Variants in ST6GALNAC3 observed in about 807,000 individuals in gnomAD.
ST6GALNAC3 encodes ST6 N-acetylgalactosaminide alpha-2,6-sialyltransferase 3, also known as alpha-N-acetylgalactosaminide alpha-2,6-sialyltransferase 3.
ST6GALNAC3 carries 25 observed loss-of-function variants against 32.7 expected under a neutral mutation model. That is an observed-to-expected ratio of 0.76 (90% CI 0.56 to 1.07). The LOEUF is 1.07. Ranked by LOEUF, ST6GALNAC3 falls within the 50% of genes least tolerant of loss-of-function variation. The pLI is 0.00. For synonymous variants in ST6GALNAC3, 129 were observed against 133.1 expected, an observed-to-expected ratio of 0.97 and a Z score of 0.21; for missense variants, 355 against 382.4, an observed-to-expected ratio of 0.93 and a Z score of 0.60.
chr1:76,561,564 A>G (rs1224065625), intron 3 of ST6GALNAC3, among the ~76,000 whole-genome samples: 2 of 152,196 alleles, frequency 1.3e-5, no homozygotes, highest in Non-Finnish European at 2.9e-5. Context: ...AAATCAAACC[A>G]CAATGAGATA....
chr1:76,628,846 C>A lies in ST6GALNAC3; in HGVS notation c.*40C>A. The A allele has an allele frequency of 6.3e-7, 1 of 1,598,472 alleles. No homozygotes were observed. The highest frequency in any genetic ancestry group is 1.1e-5 in the South Asian group (1 of 88,758). Reference sequence around the variant, plus strand: ...ATCTTGCCGCATCACTTAATGTGATCCCCATACTGCAACTGTGATGCTGAT... The same window carrying A: ...ATCTTGCCGCATCACTTAATGTGATACCCATACTGCAACTGTGATGCTGAT... On this transcript the variant is annotated 3_prime_UTR_variant, in exon 5 of 5. Transcript: ENST00000328299.
At chr1:76,193,351 G>A (rs1453167461) in intron 1 of ST6GALNAC3, among the ~76,000 whole-genome samples, 1 of 152,026 alleles carries the variant, frequency 6.6e-6, no homozygotes, top group African/African-American at 2.4e-5. Flanking sequence ...ATGTTGTTTT[G>A]AAGTGTGTAC....
At chr1:76,484,174 C>T (rs969837220) in intron 3 of ST6GALNAC3, among the ~76,000 whole-genome samples, 16 of 152,118 alleles carry the variant, frequency 1.1e-4, no homozygotes, top group African/African-American at 3.6e-4. Context: ...CAGCTTTGTT[C>T]TTTTGGCTTA....
chr1:76,196,948 T>G (rs1324420993), intron 1 of ST6GALNAC3, among the ~76,000 whole-genome samples: 1 of 152,198 alleles, frequency 6.6e-6, no homozygotes, highest in Non-Finnish European at 1.5e-5. Flanking sequence ...CCCCGTGTTT[T>G]TATTTTTATC....
At chr1:76,620,281 G>T (rs550504266) in intron 3 of ST6GALNAC3, among the ~76,000 whole-genome samples, 1 of 151,948 alleles carries the variant, frequency 6.6e-6, no homozygotes, top group Admixed American at 6.6e-5. Flanking sequence ...GCTGAGATGC[G>T]CAAGTTTAAG....
At chr1:76,160,941 T>C (rs1398160992) in intron 1 of ST6GALNAC3, among the ~76,000 whole-genome samples, 1 of 152,226 alleles carries the variant, frequency 6.6e-6, no homozygotes, top group Non-Finnish European at 1.5e-5. Flanking sequence ...TATTTTAAAG[T>C]TTCAACATTT....
At chr1:76,299,070 A>G (rs1456500711) in intron 1 of ST6GALNAC3, among the ~76,000 whole-genome samples, 1 of 152,092 alleles carries the variant, frequency 6.6e-6, no homozygotes, top group Non-Finnish European at 1.5e-5. Flanking sequence ...AAATGTCAAA[A>G]TATGCTAAGA....
intron 3 of ST6GALNAC3, among the ~76,000 whole-genome samples, chr1:76,602,826 A>T (rs780049175): frequency 2.6e-5 from 4 of 152,246 alleles, no homozygotes; most frequent in Non-Finnish European, 5.9e-5. Context: ...CAGTAGGAGG[A>T]AATAATTATA....
At chr1:76,204,312 A>G (rs1165415177) in intron 1 of ST6GALNAC3, among the ~76,000 whole-genome samples, 2 of 152,220 alleles carry the variant, frequency 1.3e-5, no homozygotes, top group South Asian at 4.1e-4. Context: ...GGTTGATTCC[A>G]TATTTTGGCT....
At chr1:76,350,819 A>ACTAGGTTC (rs944352353) in intron 2 of ST6GALNAC3, among the ~76,000 whole-genome samples, 16 of 152,106 alleles carry the variant, frequency 1.1e-4, no homozygotes, top group Non-Finnish European at 1.8e-4. Flanking sequence ...TGAAACAAAT[A>ACTAGGTTC]CTAGGTTCCT....
chr1:76,174,663 C>CTTTTTTTTTT (rs59269306), intron 1 of ST6GALNAC3, among the ~76,000 whole-genome samples: 4 of 140,110 alleles, frequency 2.9e-5, no homozygotes, highest in African/African-American at 5.3e-5. Context: ...TTTTTCTTTT[C>CTTTTTTTTTT]TTTTTTTTTT....
At chr1:76,442,161 T>A (rs1656659582) in intron 3 of ST6GALNAC3, among the ~76,000 whole-genome samples, 2 of 152,162 alleles carry the variant, frequency 1.3e-5, no homozygotes, top group South Asian at 4.1e-4. Flanking sequence ...ATAAAATGAG[T>A]TTATGTCCAT....
intron 3 of ST6GALNAC3, among the ~76,000 whole-genome samples, chr1:76,604,355 A>G (rs1647389078): frequency 6.6e-6 from 1 of 152,214 alleles, no homozygotes; most frequent in Non-Finnish European, 1.5e-5. Flanking sequence ...TGGCTGCTAG[A>G]TTATTTTTTC....
At chr1:76,521,319 A>T (rs1460732275) in intron 3 of ST6GALNAC3, among the ~76,000 whole-genome samples, 2 of 151,972 alleles carry the variant, frequency 1.3e-5, no homozygotes, top group Non-Finnish European at 2.9e-5. Context: ...ACGCGCGTAC[A>T]TACATGCATA....
chr1:76,164,932 T>A (rs2100393084), intron 1 of ST6GALNAC3, among the ~76,000 whole-genome samples: 1 of 152,222 alleles, frequency 6.6e-6, no homozygotes, highest in African/African-American at 2.4e-5. Flanking sequence ...GGGACTAAAA[T>A]GTGTGTGTGT....
At chr1:76,313,766 G>A (rs1646813640) in intron 1 of ST6GALNAC3, 39 bp from the exon 2 acceptor site, 1 of 1,607,192 alleles carries the variant, frequency 6.2e-7, no homozygotes, top group Non-Finnish European at 8.5e-7. Context: ...TTGGTTGAAA[G>A]TCATTCGTTC....
At chr1:76,203,585 A>G (rs1654657586) in intron 1 of ST6GALNAC3, among the ~76,000 whole-genome samples, 1 of 152,242 alleles carries the variant, frequency 6.6e-6, no homozygotes, top group African/African-American at 2.4e-5. Flanking sequence ...AAAGACAATA[A>G]GGAGTGATAA....
At chr1:76,232,593 C>T (rs1056648286) in intron 1 of ST6GALNAC3, among the ~76,000 whole-genome samples, 1 of 152,210 alleles carries the variant, frequency 6.6e-6, no homozygotes, top group Admixed American at 6.5e-5. Flanking sequence ...AGAAGGTCCT[C>T]TCCTTAAGTC....
intron 1 of ST6GALNAC3, among the ~76,000 whole-genome samples, chr1:76,107,106 T>C (rs188998496): frequency 1.2e-4 from 18 of 152,334 alleles, no homozygotes; most frequent in African/African-American, 4.3e-4. Flanking sequence ...GGGTTGGTCA[T>C]GGAGAGAACT....
Sources: gnomAD v4.1 joint callset for allele counts (sites outside exome capture counted in the v4.1 genomes callset) on GRCh38, gnomAD v4.1.1 for gene constraint, MANE v1.5 for transcripts, NCBI Gene and HGNC (gene_info 2026-07-23, HGNC 2026-07-21) for gene names.